CNOT1: variants seen among roughly 807,000 people sequenced by gnomAD.
CNOT1 encodes CCR4-associated factor 1.
In CNOT1, 15 loss-of-function variants were observed where a neutral mutation model predicts 273.8. The ratio of observed to expected loss-of-function variants is 0.05; its 90% confidence interval spans 0.04 to 0.08. The LOEUF (loss-of-function observed/expected upper bound fraction) is 0.08. Among genes scored for constraint, CNOT1 ranks in the 10% least tolerant of loss-of-function variants. CNOT1 has a pLI of 1.00. For missense variants in CNOT1, 1,644 were observed against 2,912.2 expected, an observed-to-expected ratio of 0.56 and a Z score of 10.02; for synonymous variants, 1,022 against 1,005.5, an observed-to-expected ratio of 1.02 and a Z score of -0.31.
At position 58,554,935 on chromosome 16, in the gene CNOT1, C is replaced by CAAAAGGAAA. The variant is rs774456750; in HGVS notation, c.2891+315_2891+316insTTTCCTTTT. On this transcript the variant is annotated intron_variant, in intron 21 of 48. Transcript: ENST00000317147. ...TGGGGGACAGAGCAAGACTCCATCT[C>CAAAAGGAAA]AAAAAAAAAAAAAAAAAAGCTTCAG... Among the ~76,000 whole-genome samples, 8 of 78,902 alleles carry CAAAAGGAAA rather than the reference C, an allele frequency of 1.0e-4. 1 individual carries two copies. The South Asian group carries it at 4.2e-3, about 41-fold the overall frequency. 51.8% of individuals were successfully genotyped at this position (78,902 alleles called of 152,430 possible).
At chr16:58,603,445 G>C (rs1311195232) in intron 1 of CNOT1, among the ~76,000 whole-genome samples, 1 of 89,840 alleles carries the variant, frequency 1.1e-5, no homozygotes, top group South Asian at 2.6e-4. Context: ...GTGTGTGTGT[G>C]TGTGTGTGTG....
intron 44 of CNOT1, among the ~76,000 whole-genome samples, chr16:58,526,502 C>A (rs2039584742): frequency 7.8e-6 from 1 of 128,504 alleles, no homozygotes. Context: ...AGACATCACA[C>A]TTACTCCTTA....
rs530764817 is a variant in CNOT1, at chr16:58,625,838, T to G, written c.-175+3890A>C. The stretch of plus-strand genomic sequence containing the variant: ...GTGCCGCTGCACTCCAGCCTAGGCA[T>G]TGAAGTGAAACCCTGTCTCAAAAAA... On this transcript the variant is annotated intron_variant, in intron 1 of 48. Coordinates refer to ENST00000317147, the MANE Select transcript of CNOT1 (RefSeq NM_016284.5). Among the ~76,000 whole-genome samples, 22 of 141,396 alleles carry G rather than the reference T, an allele frequency of 1.6e-4. 2 individuals carry two copies. In the East Asian group the frequency reaches 4.6e-3, roughly 29 times the overall value. 92.8% of individuals were successfully genotyped at this position (141,396 alleles called of 152,430 possible).
intron 40 of CNOT1, 36 bp from the exon 41 acceptor site, chr16:58,532,431 C>T (rs1185012213): frequency 6.2e-7 from 1 of 1,601,002 alleles, no homozygotes; most frequent in Admixed American, 1.7e-5. Context: ...GTAAATCATT[C>T]AGATAATCCA....
chr16:58,549,644 A>C, intron 25 of CNOT1, 75 bp downstream of exon 25: 1 of 1,508,134 alleles, frequency 6.6e-7, no homozygotes, highest in Non-Finnish European at 8.8e-7. Flanking sequence ...AAAAATAGCA[A>C]AAATCCTACC....
chr16:58,610,085 G>A (rs1297730153), intron 1 of CNOT1, among the ~76,000 whole-genome samples: 1 of 152,174 alleles, frequency 6.6e-6, no homozygotes, highest in African/African-American at 2.4e-5. Context: ...TAAGGCAGCT[G>A]TGTGTAAGAA....
intron 21 of CNOT1, among the ~76,000 whole-genome samples, chr16:58,554,197 T>C (rs1344566710): frequency 3.4e-5 from 5 of 149,236 alleles, no homozygotes; most frequent in Non-Finnish European, 7.4e-5. Context: ...AGTAGAATAC[T>C]ACACAGCTGT....
chr16:58,623,220 T>C (rs1295706812), intron 1 of CNOT1: 1 of 152,148 alleles, frequency 6.6e-6, no homozygotes, highest in East Asian at 1.9e-4. Context: ...AATACTTCCA[T>C]CCCACTTTTA....
intron 22 of CNOT1, among the ~76,000 whole-genome samples, chr16:58,553,307 C>T (rs2040516635): frequency 6.6e-6 from 1 of 151,954 alleles, no homozygotes; most frequent in Non-Finnish European, 1.5e-5. Context: ...AAAAACCACA[C>T]CTCAAAGGAA....
At chr16:58,587,176 G>A in intron 6 of CNOT1, 25 bp downstream of exon 6, 1 of 1,609,220 alleles carries the variant, frequency 6.2e-7, no homozygotes, top group Non-Finnish European at 8.5e-7. Flanking sequence ...CTCACTTCGT[G>A]ATATTTTTGG....
chr16:58,571,699 C>T (rs1051037443), intron 16 of CNOT1, among the ~76,000 whole-genome samples: 3 of 152,162 alleles, frequency 2.0e-5, no homozygotes, highest in Non-Finnish European at 4.4e-5. Flanking sequence ...AATAGGAGGC[C>T]GGGCATAGTG....
intron 2 of CNOT1, among the ~76,000 whole-genome samples, chr16:58,597,106 A>AG (rs893324194): frequency 7.3e-5 from 11 of 151,594 alleles, no homozygotes; most frequent in Non-Finnish European, 1.3e-4. Context: ...AAAGAAAAAA[A>AG]AAAAAAAGGA....
chr16:58,543,917 G>GAGGA lies in CNOT1; in HGVS notation c.4138-18_4138-15dup. 6.3e-7 allele frequency: 1 copy of GAGGA among 1,586,616 alleles called. No homozygotes were observed. The highest frequency in any genetic ancestry group is 8.6e-7 in the Non-Finnish European group (1 of 1,164,152). Reference sequence around the variant, plus strand: ...AAACAAGGGAATCTGGGGGGTTGGGGAGGACAAAGTCAACACCTTGTTTAA... The same window carrying GAGGA: ...AAACAAGGGAATCTGGGGGGTTGGGGAGGAAGGACAAAGTCAACACCTTGTTTAA... On this transcript the variant is annotated splice_polypyrimidine_tract_variant and intron_variant, in intron 30 of 48. Transcript: ENST00000317147.
At chr16:58,623,954 C>T (rs1193464515) in intron 1 of CNOT1, among the ~76,000 whole-genome samples, 1 of 151,840 alleles carries the variant, frequency 6.6e-6, no homozygotes, top group Non-Finnish European at 1.5e-5. Context: ...CGTGCCACTG[C>T]ACTCCAGCCT....
intron 30 of CNOT1, among the ~76,000 whole-genome samples, chr16:58,544,863 A>G (rs924976973): frequency 1.3e-5 from 2 of 152,238 alleles, no homozygotes; most frequent in Non-Finnish European, 2.9e-5. Context: ...TTACATGACC[A>G]TATTGTATCA....
chr16:58,568,372 A>G (rs568162216), intron 16 of CNOT1, among the ~76,000 whole-genome samples: 59 of 74,192 alleles, frequency 8.0e-4, no homozygotes, highest in African/African-American at 1.4e-3. Context: ...CCATCTCAAG[A>G]AAAAAAAAAA....
chr16:58,618,401 G>A (rs939766994), intron 1 of CNOT1, among the ~76,000 whole-genome samples: 1 of 152,056 alleles, frequency 6.6e-6, no homozygotes, highest in Non-Finnish European at 1.5e-5. Flanking sequence ...GGCCAACATG[G>A]TAAACCCCGT....
Position 58,524,068 on chromosome 16 carries a change from T to G in CNOT1, c.6785-566A>C, listed in dbSNP as rs529935459. Among the ~76,000 whole-genome samples, 337 of 152,032 alleles carry G rather than the reference T, an allele frequency of 2.2e-3. 2 individuals carry two copies. Among genetic ancestry groups the G allele is most frequent in the Non-Finnish European group, 3.0e-3 (204 of 67,976 alleles). ...TTCAAGACCAGCGTGGCCAACATGG[T>G]GAAACCCCATCTCTACTAAAAATAC... On this transcript the variant is annotated intron_variant, in intron 46 of 48. Transcript: ENST00000317147.
chr16:58,625,983 T>TATTCA (rs2043562515), intron 1 of CNOT1, among the ~76,000 whole-genome samples: 1 of 152,160 alleles, frequency 6.6e-6, no homozygotes, highest in Non-Finnish European at 1.5e-5. Flanking sequence ...GATTCTTCTA[T>TATTCA]ATATAGAGTC....
Sources: gnomAD v4.1 joint callset for allele counts (sites outside exome capture counted in the v4.1 genomes callset) on GRCh38, gnomAD v4.1.1 for gene constraint, MANE v1.5 for transcripts, NCBI Gene and HGNC (gene_info 2026-07-23, HGNC 2026-07-21) for gene names.